ZC3H12B: variants seen among roughly 807,000 people sequenced by gnomAD.
ZC3H12B encodes zinc finger CCCH-type containing 12B.
In ZC3H12B, 7 loss-of-function variants were observed where a neutral mutation model predicts 43.9. The observed-to-expected ratio is 0.16, with a 90% CI of 0.09 to 0.30. ZC3H12B has a LOEUF of 0.30. ZC3H12B is among the 10% of genes least tolerant of loss of function. The pLI, the probability that ZC3H12B is intolerant of heterozygous loss-of-function variation, is 1.00. For missense variants in ZC3H12B, 475 were observed against 670.2 expected, an observed-to-expected ratio of 0.71 and a Z score of 3.22; for synonymous variants, 222 against 241.7, an observed-to-expected ratio of 0.92 and a Z score of 0.76.
At chrX:65,374,224 CTATAGTATAGTAATATATATTATATA>C in intron 2 of ZC3H12B, among the ~76,000 whole-genome samples, 1 of 80,674 alleles carries the variant, frequency 1.2e-5, no homozygotes, top group Non-Finnish European at 2.2e-5. Context: ...TATATGTACT[CTATAGTATAGTAATATATATTATATA>C]TATAGTATAG....
chrX:65,341,925 G>C, the ZC3H12B span, among the ~76,000 whole-genome samples: 1 of 111,379 alleles, frequency 9.0e-6, no homozygotes, highest in Non-Finnish European at 1.9e-5. Flanking sequence ...GTGGCTACCT[G>C]AATGTATACA....
intron 3 of ZC3H12B, among the ~76,000 whole-genome samples, chrX:65,426,088 C>T (rs2067078311): frequency 9.4e-6 from 1 of 106,349 alleles, no homozygotes; most frequent in African/African-American, 3.5e-5. Context: ...ATGTCTTATC[C>T]TGTTTTTTTT....
At chrX:65,371,573 A>T (rs1277570031) in intron 2 of ZC3H12B, among the ~76,000 whole-genome samples, 2 of 112,070 alleles carry the variant, frequency 1.8e-5, no homozygotes, top group African/African-American at 6.5e-5. Flanking sequence ...AATACTTAAG[A>T]ATAAGGACAA....
intron 2 of ZC3H12B, among the ~76,000 whole-genome samples, chrX:65,382,794 TC>T (rs2066462333): frequency 9.0e-6 from 1 of 111,284 alleles, no homozygotes; most frequent in Non-Finnish European, 1.9e-5. Flanking sequence ...TCACAAGCAT[TC>T]TTGTACACCA....
chrX:65,067,696 T>A, the ZC3H12B span, among the ~76,000 whole-genome samples: 2 of 111,914 alleles, frequency 1.8e-5, no homozygotes, highest in Non-Finnish European at 3.8e-5. Context: ...AAAACCAACT[T>A]TTTGTTTCAT....
intron 3 of ZC3H12B, among the ~76,000 whole-genome samples, chrX:65,442,982 G>A (rs1300310680): frequency 1.8e-5 from 2 of 110,937 alleles, no homozygotes; most frequent in Non-Finnish European, 3.8e-5. Flanking sequence ...CTCTGGAAAA[G>A]AAAGATTTGG....
chrX:65,308,375 A>G, the ZC3H12B span, among the ~76,000 whole-genome samples: 3 of 111,290 alleles, frequency 2.7e-5, no homozygotes, highest in African/African-American at 9.8e-5. Context: ...TAAACCAACA[A>G]AGATCAAAAG....
At chrX:65,158,873 C>T in the ZC3H12B span, among the ~76,000 whole-genome samples, 42 of 111,811 alleles carry the variant, frequency 3.8e-4, no homozygotes, top group Admixed American at 3.5e-3. Context: ...ATGGTAATGC[C>T]TAAGTTTTCT....
intron 3 of ZC3H12B, among the ~76,000 whole-genome samples, chrX:65,430,443 G>A (rs1239752650): frequency 1.9e-5 from 2 of 105,547 alleles, no homozygotes; most frequent in South Asian, 4.5e-4. Flanking sequence ...TGCTGCACCC[G>A]TTAACTCGTC....
the ZC3H12B span, among the ~76,000 whole-genome samples, chrX:65,156,727 G>A: frequency 9.1e-6 from 1 of 110,412 alleles, no homozygotes; most frequent in African/African-American, 3.3e-5. Flanking sequence ...TGTTGCCCAG[G>A]CTGATCTCTA....
the ZC3H12B span, among the ~76,000 whole-genome samples, chrX:65,335,990 A>G: frequency 9.0e-6 from 1 of 111,532 alleles, no homozygotes; most frequent in Non-Finnish European, 1.9e-5. Context: ...TTTGTAACTG[A>G]CCAGTTTGCT....
the ZC3H12B span, among the ~76,000 whole-genome samples, chrX:65,361,485 A>T: frequency 8.9e-6 from 1 of 112,507 alleles, no homozygotes; most frequent in Non-Finnish European, 1.9e-5. Context: ...TAGAAAATAT[A>T]ATTACAAATA....
chrX:65,207,593 T>G, the ZC3H12B span, among the ~76,000 whole-genome samples: 1 of 109,957 alleles, frequency 9.1e-6, no homozygotes, highest in Non-Finnish European at 1.9e-5. Context: ...AAAGAACTTT[T>G]GAGAAGTCAG....
the ZC3H12B span, among the ~76,000 whole-genome samples, chrX:65,235,520 C>A: frequency 1.8e-5 from 2 of 111,269 alleles, 1 homozygote; most frequent in Middle Eastern, 8.4e-3. Flanking sequence ...CTGGGCCTCC[C>A]TCAGGGCCTG....
chrX:65,403,064 T>C (rs2066782005), intron 3 of ZC3H12B, among the ~76,000 whole-genome samples: 1 of 111,984 alleles, frequency 8.9e-6, no homozygotes, highest in African/African-American at 3.2e-5. Context: ...TTGAGGAAAC[T>C]CAAAGAAACT....
exon 1 of ZC3H12B, chrX:65,489,053 C>T (rs765660024): frequency 4.1e-6 from 5 of 1,211,896 alleles, no homozygotes; most frequent in East Asian, 3.0e-5. Context: ...GTCGATCACC[C>T]TGCCTAGATC....
At chrX:65,379,858 C>T (rs1194475339) in intron 2 of ZC3H12B, among the ~76,000 whole-genome samples, 1 of 111,117 alleles carries the variant, frequency 9.0e-6, no homozygotes, top group Admixed American at 9.6e-5. Flanking sequence ...AGGGTGTCAA[C>T]GATGGAAGAT....
the ZC3H12B span, among the ~76,000 whole-genome samples, chrX:65,120,118 T>G: frequency 4.5e-5 from 5 of 112,083 alleles, no homozygotes; most frequent in Admixed American, 9.4e-5. Flanking sequence ...TAGGATTAAC[T>G]TGGCAGTGCA....
chrX:65,246,644 A>AAAAC, the ZC3H12B span, among the ~76,000 whole-genome samples: 1 of 111,586 alleles, frequency 9.0e-6, no homozygotes, highest in Non-Finnish European at 1.9e-5. Context: ...AAACCTGACA[A>AAAAC]AAGCAATGGG....
Sources: allele counts gnomAD v4.1 joint callset (sites outside exome capture counted in the v4.1 genomes callset), GRCh38; gene constraint gnomAD v4.1.1; transcripts MANE v1.5; gene names NCBI Gene and HGNC (gene_info 2026-07-23, HGNC 2026-07-21).